The following RNF144A variants were observed in gnomAD, a reference collection of about 807,000 sequenced individuals.
RNF144A encodes the protein ring finger protein 144A.
Under a neutral mutation model 38.7 loss-of-function variants are expected in RNF144A, and 11 were observed. That is an observed-to-expected ratio of 0.28 (90% CI 0.18 to 0.47). The LOEUF is 0.47. Among genes scored for constraint, RNF144A ranks in the 20% least tolerant of loss-of-function variants. RNF144A has a pLI of 0.99. For missense variants in RNF144A, 316 were observed against 377.2 expected (o/e 0.84, Z 1.34); for synonymous variants, 149 against 143.9 (o/e 1.04, Z -0.25).
In RNF144A at chr2:7,041,352, G is replaced by A; in HGVS notation, c.*1592G>A. 1.0e-6 allele frequency: 1 copy of A among 985,794 alleles called. No homozygotes were observed. The highest frequency in any genetic ancestry group is 1.7e-5 in the African/African-American group (1 of 57,336). 61.1% of individuals were successfully genotyped at this position (985,794 alleles called of 1,614,324 possible). ...TTATTTCCTAACATTGAATTCGTTAGAAAAAACAGCGTCACCTCACTCTTC... is the reference window on the plus strand; with the variant it reads ...TTATTTCCTAACATTGAATTCGTTAAAAAAAACAGCGTCACCTCACTCTTC... On this transcript the variant is annotated 3_prime_UTR_variant, in exon 9 of 9. Transcript: ENST00000320892.
downstream of RNF144A, among the ~76,000 whole-genome samples, chr2:7,047,274 G>A (rs1673344745): frequency 1.3e-5 from 2 of 152,210 alleles, no homozygotes; most frequent in South Asian, 4.1e-4. Context: ...GTCTATGTGT[G>A]TGACTGTGTG....
intron 2 of RNF144A, among the ~76,000 whole-genome samples, chr2:6,952,414 C>T (rs1258086344): frequency 1.3e-5 from 2 of 149,072 alleles, no homozygotes; most frequent in South Asian, 2.1e-4. Flanking sequence ...TCCTGTTTTT[C>T]CCAATTTACC....
intron 3 of RNF144A, among the ~76,000 whole-genome samples, chr2:7,001,742 A>G (rs1195988337): frequency 2.6e-5 from 4 of 152,184 alleles, no homozygotes; most frequent in Admixed American, 6.5e-5. Flanking sequence ...ATGCATAACT[A>G]TAATAAAAGT....
chr2:6,990,117 G>A (rs560667129), intron 2 of RNF144A, among the ~76,000 whole-genome samples: 6 of 152,200 alleles, frequency 3.9e-5, no homozygotes, highest in South Asian at 4.1e-4. Context: ...CATTGACCAC[G>A]GGGCTGAAAC....
rs1014178496 is a variant in RNF144A, at chr2:6,944,313, C to G, written c.-12+3166C>G. Among the ~76,000 whole-genome samples the G allele has an allele frequency of 6.6e-6, 1 of 152,116 alleles. No individual in the cohort carries two copies. The highest frequency in any genetic ancestry group is 1.5e-5 in the Non-Finnish European group (1 of 68,026). ...TGCGGGTGCTGCAAGTTCCAGTGTT[C>G]CTCCCAAAGGCTCGGCTTCTCAGTC... On this transcript the variant is annotated intron_variant, in intron 2 of 8. Coordinates refer to ENST00000320892, the MANE Select transcript of RNF144A (RefSeq NM_014746.6). This position sits in a 1 kb window ranked among gnomAD's most constrained non-coding sequence, Gnocchi z 4.7.
intron 6 of RNF144A, among the ~76,000 whole-genome samples, chr2:7,065,241 T>C (rs1314421720): frequency 6.6e-6 from 1 of 152,266 alleles, no homozygotes; most frequent in Non-Finnish European, 1.5e-5. Flanking sequence ...CACTGGAATC[T>C]CTTGGTTCCA....
intron 6 of RNF144A, among the ~76,000 whole-genome samples, chr2:7,066,682 G>A (rs1674240506): frequency 6.6e-6 from 1 of 152,152 alleles, no homozygotes; most frequent in Admixed American, 6.5e-5. Flanking sequence ...TGACTTTATG[G>A]AGTCAATAAA....
At position 6,990,410 on chromosome 2, in the gene RNF144A, A is replaced by G. The variant is rs921293863; in HGVS notation, c.-11-6506A>G. 2.2e-4 allele frequency among the ~76,000 whole-genome samples: 31 copies of G among 139,590 alleles called. 1 individual carries two copies. Among genetic ancestry groups the G allele is most frequent in the South Asian group, 2.2e-3 (10 of 4,608 alleles). The allele number at this position is 139,590 out of a possible 152,430, so 91.6% of individuals were successfully genotyped here. A position where few individuals can be genotyped will look rare whatever the true frequency, so the allele number is the denominator to read the frequency against. On this transcript the variant is annotated intron_variant, in intron 2 of 8. Transcript: ENST00000320892. The stretch of plus-strand genomic sequence containing the variant: ...TACACACACACACACACACACACAC[A>G]CACACACACACACACACACACACAC...
In RNF144A at chr2:7,050,701, A is replaced by G. The variant is rs978356808; in HGVS notation, c.735-17515A>G. On this transcript the variant is annotated intron_variant, in intron 6 of 6. Transcript: ENST00000432850. ...ATATTTCAGTAGCATAAATTCTCTC[A>G]TATACCTTTAAGGGAATGGAGAGCA... Among the ~76,000 whole-genome samples, 27 of 152,210 alleles carry G rather than the reference A, an allele frequency of 1.8e-4. 1 individual carries two copies. Among genetic ancestry groups the G allele is most frequent in the Non-Finnish European group, 8.8e-5 (6 of 68,048 alleles).
intron 8 of RNF144A, among the ~76,000 whole-genome samples, chr2:7,038,710 G>A (rs1428135090): frequency 6.6e-6 from 1 of 152,030 alleles, no homozygotes; most frequent in African/African-American, 2.4e-5. Context: ...GGGTGGGTGG[G>A]TAGATGGTGG....
chr2:7,054,533 A>G (rs1284853002), intron 6 of RNF144A, among the ~76,000 whole-genome samples: 1 of 152,208 alleles, frequency 6.6e-6, no homozygotes. Flanking sequence ...TCTGTTGCCA[A>G]ATCCCTCATA....
intron 2 of RNF144A, among the ~76,000 whole-genome samples, chr2:6,968,113 T>C (rs1204816966): frequency 1.3e-5 from 2 of 152,362 alleles, no homozygotes; most frequent in Non-Finnish European, 2.9e-5. Flanking sequence ...CTTCTGCTCA[T>C]TAGTCCCAGA....
intron 2 of RNF144A, among the ~76,000 whole-genome samples, chr2:6,953,584 T>G (rs771313): frequency 0.81 from 122,719 of 152,070 alleles, 49,878 homozygotes; most frequent in Non-Finnish European, 0.85. Context: ...TTCCAACGTG[T>G]GGGATCTTTT....
intron 2 of RNF144A, among the ~76,000 whole-genome samples, chr2:6,976,294 A>G (rs1359003342): frequency 6.6e-6 from 1 of 152,218 alleles, no homozygotes; most frequent in East Asian, 1.9e-4. Flanking sequence ...ATTTTTGCCA[A>G]CTTGATAGTT....
chr2:6,980,300 T>A (rs750489033), intron 2 of RNF144A, among the ~76,000 whole-genome samples: 2 of 152,112 alleles, frequency 1.3e-5, no homozygotes, highest in Non-Finnish European at 2.9e-5. Flanking sequence ...AACCCAAAAG[T>A]CCAAGTCCAT....
In RNF144A at chr2:6,919,314, A is replaced by C. The variant is rs1393556197; in HGVS notation, c.-212+1692A>C. On this transcript the variant is annotated intron_variant, in intron 1 of 8. Coordinates refer to ENST00000320892, the MANE Select transcript of RNF144A (RefSeq NM_014746.6). ...GGGATTCACCCAGTGGCTCCAAAGGAGACAACAGCCTTTTTTATTGTATTC... is the reference window on the plus strand; with the variant it reads ...GGGATTCACCCAGTGGCTCCAAAGGCGACAACAGCCTTTTTTATTGTATTC... Among the ~76,000 whole-genome samples, 3 of 152,196 alleles carry C rather than the reference A, an allele frequency of 2.0e-5. No individual in the cohort carries two copies. In the East Asian group the frequency reaches 5.8e-4, roughly 29 times the overall value.
intron 2 of RNF144A, among the ~76,000 whole-genome samples, chr2:6,995,679 A>C (rs748530007): frequency 1.8e-4 from 28 of 152,180 alleles, no homozygotes; most frequent in Admixed American, 7.2e-4. Flanking sequence ...CAGTCTTTCC[A>C]TGTTTTTCTG....
chr2:7,031,910 C>T (rs935273569), intron 8 of RNF144A, among the ~76,000 whole-genome samples: 1 of 152,260 alleles, frequency 6.6e-6, no homozygotes, highest in East Asian at 1.9e-4. Context: ...TTACCTTGGC[C>T]GTGTTCCAGT....
chr2:6,934,921 C>T (rs867671507), intron 1 of RNF144A, among the ~76,000 whole-genome samples: 15 of 152,136 alleles, frequency 9.9e-5, no homozygotes, highest in Admixed American at 5.9e-4. Context: ...TGCATATCAC[C>T]GCCAAGTTCA....
Sources: gnomAD v4.1 joint callset for allele counts (sites outside exome capture counted in the v4.1 genomes callset) on GRCh38, gnomAD v4.1.1 for gene constraint, Gnocchi (gnomAD v3.1) non-coding constraint, MANE v1.5 for transcripts, NCBI Gene and HGNC (gene_info 2026-07-23, HGNC 2026-07-21) for gene names.